Variants in PATJ observed in about 807,000 individuals in gnomAD.
PATJ encodes the protein inaD-like protein.
Under a neutral mutation model 224.9 loss-of-function variants are expected in PATJ, and 190 were observed. The ratio of observed to expected loss-of-function variants is 0.84; its 90% CI spans 0.75 to 0.95. PATJ has a LOEUF of 0.95. PATJ is among the 40% of genes least tolerant of loss of function. The probability of loss-of-function intolerance (pLI) is 0.00; values close to 1 mark genes in which losing one functional copy is unlikely to be tolerated. For synonymous variants in PATJ, 769 were observed against 820.3 expected (o/e 0.94, Z 1.07); for missense variants, 2,121 against 2,270.3 (o/e 0.93, Z 1.34).
intron 30 of PATJ, among the ~76,000 whole-genome samples, chr1:62,047,561 A>T (rs1652793626): frequency 6.6e-6 from 1 of 152,024 alleles, no homozygotes. Context: ...AACATTGACT[A>T]TTTCAAAGCT....
At chr1:61,898,997 A>G (rs541839951) in intron 22 of PATJ, among the ~76,000 whole-genome samples, 1 of 152,174 alleles carries the variant, frequency 6.6e-6, no homozygotes, top group South Asian at 2.1e-4. Context: ...TCAGTTCAGT[A>G]GTACTATACT....
intron 29 of PATJ, among the ~76,000 whole-genome samples, chr1:62,032,745 G>A (rs1314952809): frequency 6.6e-6 from 1 of 152,152 alleles, no homozygotes; most frequent in African/African-American, 2.4e-5. Flanking sequence ...CCCTTGAGTA[G>A]TGTATTAGTC....
At chr1:62,069,627 G>T (rs561236086) in intron 31 of PATJ, among the ~76,000 whole-genome samples, 18 of 152,196 alleles carry the variant, frequency 1.2e-4, no homozygotes, top group Non-Finnish European at 1.6e-4. Context: ...CTACATTTTT[G>T]AGGACAAGAA....
intron 22 of PATJ, among the ~76,000 whole-genome samples, 176 bp from the exon 23 acceptor site, chr1:61,899,407 A>C (rs1331063212): frequency 6.6e-6 from 1 of 152,192 alleles, no homozygotes; most frequent in Admixed American, 6.5e-5. Flanking sequence ...TGTTGAGTTG[A>C]ATGTTAAAGC....
At chr1:61,844,837 C>A (rs1661670450) in intron 17 of PATJ, among the ~76,000 whole-genome samples, 1 of 152,110 alleles carries the variant, frequency 6.6e-6, no homozygotes, top group Non-Finnish European at 1.5e-5. Flanking sequence ...AAGCTCCCCC[C>A]TCATTCTCTC....
rs567050680 is a variant in PATJ at position 61,931,012 on chromosome 1, T to C, written c.3670+3183T>C. Among the ~76,000 whole-genome samples the C allele has an allele frequency of 6.6e-5, 10 of 152,238 alleles. No homozygotes were observed. In the South Asian group the frequency reaches 1.2e-3, roughly 19 times the overall value. ...GCCACCACGCCCAGCCTAATTTTTT[T>C]ATTTTTTTTGTACAGATGGAATCTT... On this transcript the variant is annotated intron_variant, in intron 27 of 43. Transcript: ENST00000642238.
intron 27 of PATJ, among the ~76,000 whole-genome samples, chr1:61,989,421 C>T (rs920632957): frequency 6.6e-6 from 1 of 152,064 alleles, no homozygotes; most frequent in African/African-American, 2.4e-5. Flanking sequence ...GAGAGCTAAA[C>T]CAACACCCTT....
intron 14 of PATJ, among the ~76,000 whole-genome samples, chr1:61,810,696 C>CAA (rs1387818189): frequency 7.9e-6 from 1 of 125,906 alleles, no homozygotes; most frequent in African/African-American, 3.2e-5. Context: ...GACTCTGTCT[C>CAA]AAAAAATAAA....
At chr1:61,774,513 C>T (rs994060070) in intron 6 of PATJ, among the ~76,000 whole-genome samples, 5 of 152,276 alleles carry the variant, frequency 3.3e-5, no homozygotes, top group Admixed American at 6.5e-5. Flanking sequence ...CTCTCCACTT[C>T]GTCTATAGGA....
chr1:62,123,669 G>A (rs1227064508), intron 39 of PATJ, among the ~76,000 whole-genome samples: 1 of 149,386 alleles, frequency 6.7e-6, no homozygotes, highest in Non-Finnish European at 1.5e-5. Flanking sequence ...AGTAGAGACG[G>A]GTTTTCACCG....
intron 27 of PATJ, among the ~76,000 whole-genome samples, chr1:61,928,381 C>T (rs193027562): frequency 3.9e-5 from 6 of 152,092 alleles, no homozygotes; most frequent in Non-Finnish European, 1.5e-5. Context: ...TAATGTATAC[C>T]AAATTTCTTT....
At chr1:62,059,190 G>T (rs951193060) in intron 31 of PATJ, among the ~76,000 whole-genome samples, 12 of 152,186 alleles carry the variant, frequency 7.9e-5, no homozygotes, top group African/African-American at 2.9e-4. Context: ...CACCAAGTCA[G>T]CAGGGGTTGG....
chr1:61,935,665 C>T (rs1227776306), intron 27 of PATJ, among the ~76,000 whole-genome samples: 1 of 152,018 alleles, frequency 6.6e-6, no homozygotes, highest in Non-Finnish European at 1.5e-5. Context: ...TTGGTGCATG[C>T]CTATGATCCT....
At chr1:61,905,997 A>G (rs1671805693) in intron 24 of PATJ, among the ~76,000 whole-genome samples, 1 of 152,174 alleles carries the variant, frequency 6.6e-6, no homozygotes, top group Admixed American at 6.5e-5. Flanking sequence ...GTCCCACAAG[A>G]TTGCCCCCAG....
chr1:62,045,224 A>AT (rs1209969104), intron 30 of PATJ, among the ~76,000 whole-genome samples: 1 of 151,730 alleles, frequency 6.6e-6, no homozygotes, highest in African/African-American at 2.4e-5. Flanking sequence ...TCCGTCTCAA[A>AT]TAAAAAAAAA....
chr1:62,155,192 C>T (rs1481017372), intron 43 of PATJ, among the ~76,000 whole-genome samples: 1 of 152,166 alleles, frequency 6.6e-6, no homozygotes, highest in Non-Finnish European at 1.5e-5. Flanking sequence ...GTTCTGCTGG[C>T]CTGCTGTTGC....
At chr1:62,043,890 GCTA>G (rs1030153981) in intron 30 of PATJ, among the ~76,000 whole-genome samples, 5 of 151,970 alleles carry the variant, frequency 3.3e-5, no homozygotes, top group African/African-American at 1.2e-4. Flanking sequence ...ACCATACCTG[GCTA>G]CTATAAGATT....
chr1:62,092,833 CCAAATT>C (rs1466958969), intron 33 of PATJ, among the ~76,000 whole-genome samples: 6 of 151,948 alleles, frequency 3.9e-5, no homozygotes, highest in African/African-American at 1.5e-4. Context: ...CCTCCGCCTC[CCAAATT>C]CAAGAGATTC....
intron 33 of PATJ, among the ~76,000 whole-genome samples, chr1:62,091,699 T>C (rs1352506324): frequency 6.6e-6 from 1 of 151,886 alleles, no homozygotes; most frequent in East Asian, 1.9e-4. Flanking sequence ...CGTGGATCAC[T>C]TGAGCCTAGG....
Sources: gnomAD v4.1 joint callset for allele counts (sites outside exome capture counted in the v4.1 genomes callset) on GRCh38, gnomAD v4.1.1 for gene constraint, MANE v1.5 for transcripts, NCBI Gene and HGNC (gene_info 2026-07-23, HGNC 2026-07-21) for gene names.